The following PKN2 variants were observed in gnomAD, a reference collection of about 807,000 sequenced individuals.
The protein encoded by PKN2 is serine/threonine-protein kinase N2.
In PKN2, 38 loss-of-function variants were observed where a neutral mutation model predicts 119.1. The ratio of observed to expected loss-of-function variants is 0.32; its 90% CI spans 0.25 to 0.42. The LOEUF (loss-of-function observed/expected upper bound fraction) is 0.42. Ranked by LOEUF, PKN2 falls within the 10% of genes least tolerant of loss-of-function variation. The pLI, the probability that PKN2 is intolerant of heterozygous loss-of-function variation, is 1.00. For synonymous variants in PKN2, 390 were observed against 384.9 expected, an observed-to-expected ratio of 1.01 and a Z score of -0.15; for missense variants, 850 against 1,165.1, an observed-to-expected ratio of 0.73 and a Z score of 3.94.
intron 2 of PKN2, among the ~76,000 whole-genome samples, chr1:88,750,745 C>T (rs766910963): frequency 6.6e-6 from 1 of 152,180 alleles, no homozygotes. Flanking sequence ...TAGTGCATGA[C>T]CCCAGTAATC....
At chr1:88,739,195 TG>T (rs1470935621) in intron 1 of PKN2, among the ~76,000 whole-genome samples, 1 of 152,096 alleles carries the variant, frequency 6.6e-6, no homozygotes, top group East Asian at 1.9e-4. Flanking sequence ...AGAAACAGGC[TG>T]GGCACGTGTT....
At chr1:88,820,192 A>AACC in intron 16 of PKN2, among the ~76,000 whole-genome samples, 1 of 8,110 alleles carries the variant, frequency 1.2e-4, no homozygotes, top group South Asian at 5.2e-3. Context: ...ATATATATAT[A>AACC]TATATATATA....
chr1:88,767,213 A>G (rs1266825667), intron 3 of PKN2, among the ~76,000 whole-genome samples: 5 of 152,202 alleles, frequency 3.3e-5, no homozygotes, highest in Admixed American at 6.5e-5. Context: ...TTTAATGCTT[A>G]CAAAAGTTTT....
At chr1:88,717,401 G>A (rs1232450589) in intron 1 of PKN2, among the ~76,000 whole-genome samples, 1 of 152,090 alleles carries the variant, frequency 6.6e-6, no homozygotes, top group Non-Finnish European at 1.5e-5. Context: ...TTCCAACTTG[G>A]TTCCATTCTC....
chr1:88,803,144 G>A (rs981152618), intron 8 of PKN2, among the ~76,000 whole-genome samples: 3 of 152,112 alleles, frequency 2.0e-5, no homozygotes, highest in Non-Finnish European at 4.4e-5. Flanking sequence ...TCAGAGAGAA[G>A]AAATGAGGTG....
At chr1:88,747,249 AAAAG>A (rs1668805665) in intron 2 of PKN2, among the ~76,000 whole-genome samples, 1 of 152,178 alleles carries the variant, frequency 6.6e-6, no homozygotes, top group Non-Finnish European at 1.5e-5. Context: ...CAAAATAGCT[AAAAG>A]AAAGGTTGTT....
At chr1:88,752,267 AT>A (rs903477639) in intron 2 of PKN2, among the ~76,000 whole-genome samples, 4 of 151,764 alleles carry the variant, frequency 2.6e-5, no homozygotes, top group African/African-American at 9.7e-5. Flanking sequence ...TTGTTATTAC[AT>A]TTTTTTAATG....
At chr1:88,832,706 A>G in intron 19 of PKN2, 38 bp from the exon 20 acceptor site, 1 of 1,242,812 alleles carries the variant, frequency 8.0e-7, no homozygotes. Context: ...TTACTGCCTT[A>G]AAACTTGCTT....
At chr1:88,768,966 A>C (rs1669774797) in intron 3 of PKN2, among the ~76,000 whole-genome samples, 1 of 152,176 alleles carries the variant, frequency 6.6e-6, no homozygotes, top group African/African-American at 2.4e-5. Context: ...AGAGAGGAGG[A>C]AGTGCCAGGC....
intron 19 of PKN2, among the ~76,000 whole-genome samples, chr1:88,830,931 G>T (rs1001953790): frequency 6.6e-6 from 1 of 152,052 alleles, no homozygotes; most frequent in Non-Finnish European, 1.5e-5. Flanking sequence ...GTAAGGTGTG[G>T]CTAAAGTTTA....
At chr1:88,754,402 A>AT (rs1371848258) in intron 2 of PKN2, among the ~76,000 whole-genome samples, 4 of 152,208 alleles carry the variant, frequency 2.6e-5, no homozygotes, top group Admixed American at 6.5e-5. Flanking sequence ...GGAAAAACAG[A>AT]TGTGAAAACA....
Position 88,807,565 on chromosome 1 carries a change from C to T in PKN2, c.1971C>T (p.Phe657=). ...QQRFQFNLQD[F]RCCAVLGRGH... ...GGTTTCAGTTTAATCTACAAGATTT[C>T]AGGTGTTGTGCTGTCTTGGGAAGAG... The change falls in exon 14 of 22, where the codon TTC becomes TTT. Residue 657 remains phenylalanine, a synonymous_variant. Coordinates refer to ENST00000370521, the MANE Select transcript of PKN2 (RefSeq NM_006256.4). The T allele has an allele frequency of 2.5e-6, 4 of 1,612,566 alleles. No homozygotes were observed. Among genetic ancestry groups the T allele is most frequent in the African/African-American group, 1.3e-5 (1 of 74,988 alleles).
intron 6 of PKN2, among the ~76,000 whole-genome samples, chr1:88,782,035 T>G (rs1037667673): frequency 4.6e-5 from 7 of 152,150 alleles, no homozygotes; most frequent in African/African-American, 1.7e-4. Flanking sequence ...AGTATGATTT[T>G]TTTAGTAAAT....
At chr1:88,701,025 C>T (rs901855628) in intron 1 of PKN2, among the ~76,000 whole-genome samples, 1 of 152,144 alleles carries the variant, frequency 6.6e-6, no homozygotes, top group African/African-American at 2.4e-5. Context: ...ACATCTCAGA[C>T]TGAGATTTTT....
intron 1 of PKN2, among the ~76,000 whole-genome samples, chr1:88,711,131 G>A (rs888219175): frequency 2.0e-5 from 3 of 152,128 alleles, no homozygotes; most frequent in Admixed American, 2.0e-4. Context: ...ACAGACACTG[G>A]AGCCTTTTGG....
rs539385901 is a variant in PKN2 at position 88,687,873 on chromosome 1, C to T, written c.48+3245C>T. 4.6e-5 allele frequency among the ~76,000 whole-genome samples: 7 copies of T among 152,286 alleles called. No individual in the cohort carries two copies. The East Asian group carries it at 1.3e-3, about 29-fold the overall frequency. ...TGTACTAGAAGATAATTATAAGAGA[C>T]TACAAATAACATTTTAAAAATTATT... On this transcript the variant is annotated intron_variant, in intron 1 of 21. Transcript: ENST00000370521.
chr1:88,824,116 T>C (rs1351809794), intron 17 of PKN2, among the ~76,000 whole-genome samples, 194 bp from the exon 18 acceptor site: 2 of 152,148 alleles, frequency 1.3e-5, no homozygotes, highest in African/African-American at 2.4e-5. Flanking sequence ...CTACCTTATA[T>C]AGAGTAATAA....
chr1:88,778,874 T>C (rs764783821), intron 6 of PKN2, among the ~76,000 whole-genome samples: 8 of 152,070 alleles, frequency 5.3e-5, no homozygotes, highest in Admixed American at 2.0e-4. Flanking sequence ...ACACCATGCC[T>C]AGCTAATTTT....
intron 17 of PKN2, 55 bp from the exon 18 acceptor site, chr1:88,824,255 C>A: frequency 2.3e-6 from 2 of 870,534 alleles, no homozygotes; most frequent in South Asian, 1.5e-5. Flanking sequence ...AACTGTATAA[C>A]CTACTGATTT....
Sources: gnomAD v4.1 joint callset for allele counts (sites outside exome capture counted in the v4.1 genomes callset) on GRCh38, gnomAD v4.1.1 for gene constraint, MANE v1.5 for transcripts, NCBI Gene and HGNC (gene_info 2026-07-23, HGNC 2026-07-21) for gene names.